Variants in POU2F2 observed in about 807,000 individuals in gnomAD.
POU2F2 encodes POU domain, class 2, transcription factor 2.
Under a neutral mutation model 63.5 loss-of-function variants are expected in POU2F2, and 14 were observed. That is an observed-to-expected ratio of 0.22 (90% CI 0.15 to 0.34). The LOEUF is 0.34. POU2F2 is among the 10% of genes least tolerant of loss of function. POU2F2 has a pLI of 1.00. For synonymous variants in POU2F2, 306 were observed against 348.6 expected, an observed-to-expected ratio of 0.88 and a Z score of 1.36; for missense variants, 607 against 815.2, an observed-to-expected ratio of 0.74 and a Z score of 3.11.
chr19:42,165,716 T>C (rs549581078), intron 1 of POU2F2, among the ~76,000 whole-genome samples: 3 of 152,316 alleles, frequency 2.0e-5, no homozygotes, highest in African/African-American at 7.2e-5. Flanking sequence ...TGCCTCATTT[T>C]GCTGGTGTGA....
In POU2F2 at chr19:42,091,381, T is replaced by A; in HGVS notation, c.1751A>T (p.Lys584Met). ...GGATGAGGAGGAGAGGCCAGGAGAC[T>A]TGCTGGAGATGGAGGCTGCCACAGC... Reference protein sequence around the residue: ...AAAVAASISSKSPGLSSSSSS... With the variant: ...AAAVAASISSMSPGLSSSSSS... The change falls in exon 15 of 15, where the codon AAG (lysine) becomes ATG (methionine). Residue 584 changes from lysine to methionine, a missense_variant. Physicochemically the swap from Lys to Met is moderately conservative, Grantham distance 95. This residue lies in a region of POU2F2 where 270 missense variants were observed against 307.5 expected (regional missense o/e 0.88). Coordinates refer to ENST00000692977, the MANE Select transcript of POU2F2 (RefSeq NM_001394376.1). 6.5e-7 allele frequency: 1 copy of A among 1,542,500 alleles called. No homozygotes were observed. Among genetic ancestry groups the A allele is most frequent in the Non-Finnish European group, 8.7e-7 (1 of 1,146,846 alleles).
intron 1 of POU2F2, among the ~76,000 whole-genome samples, chr19:42,189,020 G>A (rs1269806632): frequency 2.6e-5 from 4 of 152,104 alleles, no homozygotes; most frequent in African/African-American, 7.2e-5. Flanking sequence ...GGTACTGGTC[G>A]ATGGAGTTAA....
intron 7 of POU2F2, chr19:42,099,190 A>C (rs932717334): frequency 1.8e-5 from 5 of 271,068 alleles, no homozygotes; most frequent in Non-Finnish European, 2.9e-5. Context: ...TTTGCAGCCT[A>C]AAGGCTTGCA....
chr19:42,091,003 TTTTG>T lies in POU2F2; in HGVS notation c.*250_*253del. On this transcript the variant is annotated 3_prime_UTR_variant, in exon 15 of 15. Transcript: ENST00000692977. ...TTTTTTTGGTTTGTTTTTGGTTTTT[TTTTG>T]TTTGTTTTTCACCTCTGGTTCCTTT... 3.0e-6 allele frequency: 1 copy of T among 338,184 alleles called. No homozygotes were observed. Among genetic ancestry groups the T allele is most frequent in the Non-Finnish European group, 5.3e-6 (1 of 189,118 alleles). 20.9% of individuals were successfully genotyped at this position (338,184 alleles called of 1,614,324 possible). A position where few individuals can be genotyped will look rare whatever the true frequency, so the allele number is the denominator to read the frequency against.
Position 42,117,155 on chromosome 19 carries a change from C to T in POU2F2, c.369+95G>A. ...GCAAGAGGCAGGTGTGAGAGAGTGG[C>T]CATGGCCTTGGTGGAACAGTTCATC... On this transcript the variant is annotated intron_variant, in intron 5 of 14. Transcript: ENST00000692977. The surrounding 1 kb of genome is among the most constrained non-coding windows in gnomAD (Gnocchi z 4.4). 1 of 1,027,278 alleles carries T rather than the reference C, an allele frequency of 9.7e-7. No individual in the cohort carries two copies. Among genetic ancestry groups the T allele is most frequent in the South Asian group, 1.7e-5 (1 of 60,292 alleles). 63.6% of individuals were successfully genotyped at this position (1,027,278 alleles called of 1,614,324 possible).
chr19:42,164,874 A>C (rs1683703269), intron 1 of POU2F2, among the ~76,000 whole-genome samples: 1 of 151,632 alleles, frequency 6.6e-6, no homozygotes, highest in African/African-American at 2.4e-5. Flanking sequence ...AGATGGGAGG[A>C]TCACTTAAGC....
chr19:42,122,952 C>T (rs2032821876), intron 1 of POU2F2, among the ~76,000 whole-genome samples: 1 of 152,170 alleles, frequency 6.6e-6, no homozygotes, highest in South Asian at 2.1e-4. Flanking sequence ...TGGGCCTCCT[C>T]CTGGGGCGGG....
upstream of POU2F2, among the ~76,000 whole-genome samples, chr19:42,180,028 C>T (rs2034943252): frequency 2.0e-5 from 3 of 152,128 alleles, no homozygotes; most frequent in African/African-American, 7.2e-5. Context: ...AGTGTGTTCA[C>T]AACACAAATA....
intron 1 of POU2F2, among the ~76,000 whole-genome samples, chr19:42,190,179 T>C (rs1373093785): frequency 3.9e-5 from 6 of 152,006 alleles, no homozygotes; most frequent in Non-Finnish European, 8.8e-5. Context: ...GGATGAGCAA[T>C]ACACAGGTGG....
intron 1 of POU2F2, among the ~76,000 whole-genome samples, chr19:42,187,464 A>G (rs1027203625): frequency 1.3e-5 from 2 of 150,700 alleles, no homozygotes; most frequent in African/African-American, 4.9e-5. Context: ...CTCAAAAAAA[A>G]AAAAAAAAAA....
chr19:42,102,015 T>C (rs963102985), intron 5 of POU2F2, among the ~76,000 whole-genome samples: 2 of 151,602 alleles, frequency 1.3e-5, no homozygotes, highest in African/African-American at 4.8e-5. Context: ...TACACCACCC[T>C]TAGGACCCAG....
chr19:42,175,347 C>T (rs574920621), intron 1 of POU2F2, among the ~76,000 whole-genome samples: 1 of 152,120 alleles, frequency 6.6e-6, no homozygotes, highest in African/African-American at 2.4e-5. Context: ...TTGCATGGAG[C>T]CCCTTTCCCT....
In POU2F2 at chr19:42,186,044, T is replaced by G. The variant is rs144083997; in HGVS notation, c.-70+10339A>C. ...AGCTGGGACTATAGGTGCGCACAACTACACCCGGCATTTTCTTGAATTTTA... is the reference window on the plus strand; with the variant it reads ...AGCTGGGACTATAGGTGCGCACAACGACACCCGGCATTTTCTTGAATTTTA... On this transcript the variant is annotated intron_variant, in intron 1 of 5. Coordinates refer to the POU2F2 transcript ENST00000532176. 2.7e-3 allele frequency among the ~76,000 whole-genome samples: 408 copies of G among 152,104 alleles called. 3 individuals carry two copies. The highest frequency in any genetic ancestry group is 0.016 in the South Asian group (76 of 4,818).
chr19:42,108,566 C>A (rs1463070203), intron 5 of POU2F2, among the ~76,000 whole-genome samples: 1 of 151,990 alleles, frequency 6.6e-6, no homozygotes, highest in Non-Finnish European at 1.5e-5. Context: ...CACAGAGAGA[C>A]CCTGTCTCAA....
chr19:42,099,897 T>C, intron 5 of POU2F2, 76 bp from the exon 6 acceptor site: 1 of 1,219,696 alleles, frequency 8.2e-7, no homozygotes. Context: ...CACCTGAACC[T>C]TGAGGGGCTG....
chr19:42,186,501 C>G (rs1281422551), intron 1 of POU2F2, among the ~76,000 whole-genome samples: 1 of 151,510 alleles, frequency 6.6e-6, no homozygotes, highest in Admixed American at 6.6e-5. Context: ...GAGAAAAATG[C>G]TGCTGGAGAG....
intron 5 of POU2F2, among the ~76,000 whole-genome samples, chr19:42,109,942 G>C (rs2030800379): frequency 6.6e-6 from 1 of 152,152 alleles, no homozygotes; most frequent in Non-Finnish European, 1.5e-5. Context: ...TATATACAAT[G>C]ATTATTTGCT....
intron 4 of POU2F2, among the ~76,000 whole-genome samples, chr19:42,119,260 G>A (rs1004660338): frequency 1.1e-4 from 17 of 152,284 alleles, no homozygotes; most frequent in East Asian, 5.8e-4. Flanking sequence ...AAGGCTGGTC[G>A]TGCTCTGCTT....
chr19:42,088,674 C>T lies in POU2F2; in HGVS notation c.*2583G>A, dbSNP rs766241035. 6.6e-6 allele frequency: 1 copy of T among 152,564 alleles called. No individual in the cohort carries two copies. The highest frequency in any genetic ancestry group is 1.5e-5 in the Non-Finnish European group (1 of 68,036). The allele number at this position is 152,564 out of a possible 1,614,324, so 9.5% of individuals were successfully genotyped here. A position where few individuals can be genotyped will look rare whatever the true frequency, so the allele number is the denominator to read the frequency against. On this transcript the variant is annotated 3_prime_UTR_variant, in exon 15 of 15. Transcript: ENST00000692977. ...TCAGGAGCCCTTGGCCCCCTCTCCA[C>T]CCTTGGGCTGGGGCCCAAGCCCTCT...
Sources: gnomAD v4.1 joint callset for allele counts (sites outside exome capture counted in the v4.1 genomes callset) on GRCh38, gnomAD v4.1.1 for gene constraint, gnomAD v4.1.1 regional missense constraint, Gnocchi (gnomAD v3.1) non-coding constraint, MANE v1.5 for transcripts, NCBI Gene and HGNC (gene_info 2026-07-23, HGNC 2026-07-21) for gene names.